The following CNTNAP2 variants were observed in gnomAD, a reference collection of about 807,000 sequenced individuals.
CNTNAP2 encodes contactin associated protein 2.
Under a neutral mutation model 155.2 loss-of-function variants are expected in CNTNAP2, and 98 were observed. That is an observed-to-expected ratio of 0.63 (90% CI 0.54 to 0.75). The LOEUF (loss-of-function observed/expected upper bound fraction) is 0.75, where lower values mean the gene tolerates loss of function less well. Among genes scored for constraint, CNTNAP2 ranks in the 30% least tolerant of loss-of-function variants. The pLI is 0.00. For missense variants in CNTNAP2, 1,727 were observed against 1,688.1 expected, an observed-to-expected ratio of 1.02 and a Z score of -0.40; for synonymous variants, 651 against 631.2, an observed-to-expected ratio of 1.03 and a Z score of -0.47.
At chr7:147,402,251 T>C (rs1796929268) in intron 10 of CNTNAP2, among the ~76,000 whole-genome samples, 1 of 152,178 alleles carries the variant, frequency 6.6e-6, no homozygotes, top group Non-Finnish European at 1.5e-5. Context: ...CAGAGTCAGC[T>C]TATGCAATAC....
chr7:147,211,454 C>T (rs1409728357), intron 8 of CNTNAP2, among the ~76,000 whole-genome samples: 1 of 151,858 alleles, frequency 6.6e-6, no homozygotes, highest in Admixed American at 6.6e-5. Flanking sequence ...ATAGCACTGG[C>T]ACAAAAACAG....
intron 10 of CNTNAP2, among the ~76,000 whole-genome samples, chr7:147,422,844 C>G (rs1422897387): frequency 6.6e-6 from 1 of 152,038 alleles, no homozygotes; most frequent in Non-Finnish European, 1.5e-5. Context: ...TTTTTAAGCT[C>G]ACAAAATACT....
intron 12 of CNTNAP2, among the ~76,000 whole-genome samples, chr7:147,589,058 G>A (rs1800689050): frequency 6.6e-6 from 1 of 152,030 alleles, no homozygotes; most frequent in South Asian, 2.1e-4. Flanking sequence ...ATTTATTTCT[G>A]TTTATCATTT....
intron 1 of CNTNAP2, among the ~76,000 whole-genome samples, chr7:146,516,604 T>C (rs1797545492): frequency 6.6e-6 from 1 of 151,956 alleles, no homozygotes; most frequent in African/African-American, 2.4e-5. Context: ...TTAGTCTATG[T>C]CTGTAATCTA....
intron 21 of CNTNAP2, among the ~76,000 whole-genome samples, chr7:148,269,441 CAAG>C (rs1796735595): frequency 6.6e-6 from 1 of 152,112 alleles, no homozygotes; most frequent in South Asian, 2.1e-4. Context: ...GTTCTGTGAA[CAAG>C]AAGAGACTTT....
chr7:146,373,128 C>A (rs1182930304), intron 1 of CNTNAP2, among the ~76,000 whole-genome samples: 2 of 152,156 alleles, frequency 1.3e-5, no homozygotes, highest in Non-Finnish European at 2.9e-5. Flanking sequence ...AAAAATCCTT[C>A]TCAGGGCAAA....
chr7:147,368,879 A>G (rs1473737640), intron 9 of CNTNAP2, among the ~76,000 whole-genome samples: 3 of 152,230 alleles, frequency 2.0e-5, no homozygotes, highest in African/African-American at 7.2e-5. Flanking sequence ...TAAGATGCCA[A>G]CATGAATAGA....
chr7:148,389,468 T>TAAACCTCTTTCCTGTATAAA (rs1275741825), intron 22 of CNTNAP2, among the ~76,000 whole-genome samples: 1 of 152,196 alleles, frequency 6.6e-6, no homozygotes, highest in Admixed American at 6.5e-5. Flanking sequence ...GGGAGTCCAT[T>TAAACCTCTTTCCTGTATAAA]AAACCTCTTT....
intron 1 of CNTNAP2, among the ~76,000 whole-genome samples, chr7:146,154,221 G>A (rs771363597): frequency 2.6e-5 from 4 of 152,134 alleles, no homozygotes; most frequent in Non-Finnish European, 5.9e-5. Context: ...TGAAGTAACA[G>A]TTATTTTTGT....
At chr7:148,389,210 C>T (rs1037385766) in intron 22 of CNTNAP2, among the ~76,000 whole-genome samples, 8 of 152,304 alleles carry the variant, frequency 5.3e-5, no homozygotes, top group East Asian at 1.9e-4. Context: ...ACTATGTCCC[C>T]ACCCAAATCT....
At chr7:147,222,337 G>T (rs1563122234) in intron 8 of CNTNAP2, among the ~76,000 whole-genome samples, 1 of 151,766 alleles carries the variant, frequency 6.6e-6, no homozygotes. Context: ...CCAGCTCAGA[G>T]AATTTTTCCT....
At chr7:148,384,011 C>G (rs1799134159) in intron 22 of CNTNAP2, 123 bp downstream of exon 22, 1 of 1,377,906 alleles carries the variant, frequency 7.3e-7, no homozygotes, top group Non-Finnish European at 1.0e-6. Flanking sequence ...TAAGAAAGGG[C>G]AAAGGAACGT....
intron 8 of CNTNAP2, among the ~76,000 whole-genome samples, chr7:147,247,051 G>T (rs1032826818): frequency 6.6e-6 from 1 of 152,034 alleles, no homozygotes; most frequent in African/African-American, 2.4e-5. Context: ...TCCCTGTGGG[G>T]TTTCTAATAT....
intron 8 of CNTNAP2, among the ~76,000 whole-genome samples, chr7:147,251,610 G>A (rs1804200155): frequency 6.6e-6 from 1 of 151,990 alleles, no homozygotes; most frequent in South Asian, 2.1e-4. Flanking sequence ...AAATAGCATT[G>A]GTGAAAGTCT....
chr7:146,712,174 A>T (rs1264403456), intron 1 of CNTNAP2, among the ~76,000 whole-genome samples: 1 of 104,788 alleles, frequency 9.5e-6, no homozygotes, highest in African/African-American at 4.8e-5. Context: ...GTATACAAAT[A>T]TGTATACATA....
chr7:148,200,771 CA>C lies in CNTNAP2; in HGVS notation c.3011-16516del, dbSNP rs543067801. Among the ~76,000 whole-genome samples the C allele has an allele frequency of 3.2e-3, 480 of 152,282 alleles. 2 individuals are homozygous for C. The highest frequency in any genetic ancestry group is 0.011 in the African/African-American group (457 of 41,556). On this transcript the variant is annotated intron_variant, in intron 18 of 23. Transcript: ENST00000361727. ...TAGAAGGCTTTGAAAGGCAATACAA[CA>C]TAGTAGTTAATAGTAAGAACTTGGT...
intron 20 of CNTNAP2, among the ~76,000 whole-genome samples, chr7:148,236,049 C>T (rs1403344891): frequency 4.6e-5 from 7 of 152,162 alleles, no homozygotes; most frequent in African/African-American, 1.7e-4. Flanking sequence ...TTTTTACACT[C>T]ATAAGCCTTT....
intron 1 of CNTNAP2, among the ~76,000 whole-genome samples, chr7:146,621,156 T>C (rs1251119186): frequency 2.0e-5 from 3 of 152,198 alleles, no homozygotes; most frequent in Non-Finnish European, 4.4e-5. Context: ...TTTTGTTATA[T>C]GCTAACATAA....
intron 21 of CNTNAP2, among the ~76,000 whole-genome samples, chr7:148,318,312 T>C (rs1797728324): frequency 6.6e-6 from 1 of 152,210 alleles, no homozygotes; most frequent in Middle Eastern, 3.2e-3. Context: ...CCTCTCGCCA[T>C]TCTCATTTCA....
Sources: gnomAD v4.1 joint callset for allele counts (sites outside exome capture counted in the v4.1 genomes callset) on GRCh38, gnomAD v4.1.1 for gene constraint, MANE v1.5 for transcripts, NCBI Gene and HGNC (gene_info 2026-07-23, HGNC 2026-07-21) for gene names.